The following LTBP1 variants were observed in gnomAD, a reference collection of about 807,000 sequenced individuals.
LTBP1 encodes the protein latent-transforming growth factor beta-binding protein 1.
A neutral mutation model predicts 207.6 loss-of-function variants in LTBP1; 129 were observed. The observed-to-expected ratio is 0.62, with a 90% CI of 0.54 to 0.72. The LOEUF is 0.72. Among genes scored for constraint, LTBP1 ranks in the 30% least tolerant of loss-of-function variants. LTBP1 has a pLI of 0.00. For missense variants in LTBP1, 2,281 were observed against 2,217.2 expected, an observed-to-expected ratio of 1.03 and a Z score of -0.58; for synonymous variants, 963 against 833.7, an observed-to-expected ratio of 1.16 and a Z score of -2.67.
Position 33,177,080 on chromosome 2 carries a change from A to G in LTBP1, c.1202-9776A>G, listed in dbSNP as rs1379437421. On this transcript the variant is annotated intron_variant, in intron 5 of 33. Coordinates refer to ENST00000404816, the MANE Select transcript of LTBP1 (RefSeq NM_206943.4). ...TAAATAACTTACCCAATGTCCTGCC[A>G]GTAAGAAATAATTTAGTTGGGATTC... is the stretch of plus-strand genomic sequence containing the variant. 2.0e-5 allele frequency among the ~76,000 whole-genome samples: 3 copies of G among 152,204 alleles called. No homozygotes were observed. In the East Asian group the frequency reaches 5.8e-4, roughly 29 times the overall value.
chr2:33,092,177 A>G (rs1368562708), intron 3 of LTBP1, among the ~76,000 whole-genome samples: 5 of 149,786 alleles, frequency 3.3e-5, no homozygotes, highest in African/African-American at 1.2e-4. Context: ...GCACGTGCGC[A>G]TGCACACACA....
chr2:33,187,309 C>T (rs975876439), intron 6 of LTBP1, among the ~76,000 whole-genome samples: 1 of 152,048 alleles, frequency 6.6e-6, no homozygotes, highest in Non-Finnish European at 1.5e-5. Context: ...TAAAAAGGAG[C>T]CCATTCTTCT....
intron 9 of LTBP1, among the ~76,000 whole-genome samples, chr2:33,222,636 G>C (rs1256341419): frequency 6.6e-6 from 1 of 152,178 alleles, no homozygotes; most frequent in African/African-American, 2.4e-5. Context: ...AAGCTATGTA[G>C]CTAAGTGTGA....
intron 3 of LTBP1, among the ~76,000 whole-genome samples, chr2:33,050,179 G>T (rs1383921088): frequency 7.2e-6 from 1 of 139,810 alleles, no homozygotes; most frequent in Non-Finnish European, 1.5e-5. Context: ...CCCTAGAACG[G>T]TGTATGATCC....
chr2:33,272,383 C>T (rs1340356721), intron 15 of LTBP1, among the ~76,000 whole-genome samples: 1 of 152,170 alleles, frequency 6.6e-6, no homozygotes, highest in Admixed American at 6.5e-5. Flanking sequence ...AACTATTTAC[C>T]TTGGAGGGTC....
intron 9 of LTBP1, among the ~76,000 whole-genome samples, chr2:33,239,019 C>T (rs1209437480): frequency 6.6e-6 from 1 of 152,134 alleles, no homozygotes; most frequent in Non-Finnish European, 1.5e-5. Context: ...CCTCTTATTT[C>T]TGTTGTATTA....
At chr2:33,248,465 G>T (rs1307434548) in intron 10 of LTBP1, among the ~76,000 whole-genome samples, 1 of 152,186 alleles carries the variant, frequency 6.6e-6, no homozygotes, top group Non-Finnish European at 1.5e-5. Context: ...GAAATGCCAG[G>T]AGGAGTAAGT....
At chr2:33,395,283 A>G (rs745860639) in intron 32 of LTBP1, among the ~76,000 whole-genome samples, 2 of 152,196 alleles carry the variant, frequency 1.3e-5, no homozygotes, top group Non-Finnish European at 2.9e-5. Context: ...CCTCTGATTC[A>G]AATCCCATGG....
At chr2:33,005,417 C>T (rs1055479253) in intron 2 of LTBP1, among the ~76,000 whole-genome samples, 1 of 152,026 alleles carries the variant, frequency 6.6e-6, no homozygotes, top group Non-Finnish European at 1.5e-5. Flanking sequence ...CACCTTTCCA[C>T]ATGGTTGCTT....
intron 7 of LTBP1, among the ~76,000 whole-genome samples, chr2:33,190,412 A>G (rs1373862830): frequency 1.3e-5 from 2 of 152,212 alleles, no homozygotes; most frequent in African/African-American, 2.4e-5. Context: ...GAAACCTGGG[A>G]AACACTTTTA....
At position 33,257,426 on chromosome 2, in the gene LTBP1, TCCTCCA is replaced by T; in HGVS notation, c.2315_2320del (p.Pro772_Pro773del). The T allele has an allele frequency of 6.2e-7, 1 of 1,614,192 alleles. No individual in the cohort carries two copies. The highest frequency in any genetic ancestry group is 8.5e-7 in the Non-Finnish European group (1 of 1,180,024). The stretch of plus-strand genomic sequence containing the variant: ...CTCAACCTGTTGCTAAAAGTACTCA[TCCTCCA>T]CCTCTCCCAGCCAAGGAAGAGCCAG... On this transcript the variant is annotated inframe_deletion, in exon 12 of 34. Transcript: ENST00000404816.
At chr2:33,093,000 C>T (rs2079188621) in intron 3 of LTBP1, among the ~76,000 whole-genome samples, 1 of 152,106 alleles carries the variant, frequency 6.6e-6, no homozygotes, top group Non-Finnish European at 1.5e-5. Flanking sequence ...TCATAAATTC[C>T]TTTCATTTCT....
At chr2:33,167,477 T>A (rs73924183) in intron 5 of LTBP1, among the ~76,000 whole-genome samples, 1 of 152,216 alleles carries the variant, frequency 6.6e-6, no homozygotes, top group African/African-American at 2.4e-5. Context: ...TCTTTCTTTC[T>A]GGAACTCATA....
At chr2:33,051,474 G>A (rs1378025055) in intron 3 of LTBP1, among the ~76,000 whole-genome samples, 2 of 152,130 alleles carry the variant, frequency 1.3e-5, no homozygotes, top group African/African-American at 4.8e-5. Context: ...CAATATTACT[G>A]AGTGAGGATT....
At chr2:33,368,500 C>G (rs1426955346) in intron 31 of LTBP1, among the ~76,000 whole-genome samples, 1 of 152,220 alleles carries the variant, frequency 6.6e-6, no homozygotes, top group Non-Finnish European at 1.5e-5. Context: ...CAATGAACCT[C>G]CATGTATGCG....
intron 11 of LTBP1, among the ~76,000 whole-genome samples, chr2:33,253,766 G>T (rs1047636348): frequency 1.3e-5 from 2 of 151,844 alleles, no homozygotes; most frequent in African/African-American, 4.8e-5. Context: ...AGAAAGAACT[G>T]TGTTAAGGCA....
intron 2 of LTBP1, among the ~76,000 whole-genome samples, chr2:32,976,994 A>G (rs1197404906): frequency 6.6e-6 from 1 of 152,224 alleles, no homozygotes; most frequent in Non-Finnish European, 1.5e-5. Context: ...TGGAAGCTCT[A>G]GCATGCCTGG....
chr2:33,327,940 A>G (rs768069187), intron 24 of LTBP1, among the ~76,000 whole-genome samples: 78 of 151,938 alleles, frequency 5.1e-4, no homozygotes, highest in Non-Finnish European at 1.0e-3. Flanking sequence ...GTTCGAGACC[A>G]CCCTGACCAA....
chr2:32,979,014 T>C (rs984900683), intron 2 of LTBP1, among the ~76,000 whole-genome samples: 3 of 151,994 alleles, frequency 2.0e-5, no homozygotes, highest in Non-Finnish European at 2.9e-5. Flanking sequence ...TAGCCTCTAA[T>C]CCTTTGAATT....
Sources: allele counts gnomAD v4.1 joint callset (sites outside exome capture counted in the v4.1 genomes callset), GRCh38; gene constraint gnomAD v4.1.1; transcripts MANE v1.5; gene names NCBI Gene and HGNC (gene_info 2026-07-23, HGNC 2026-07-21).